FAF1: variants seen among roughly 807,000 people sequenced by gnomAD.
The protein encoded by FAF1 is FAS-associated factor 1.
In FAF1, 25 loss-of-function variants were observed where a neutral mutation model predicts 92.5. That is an observed-to-expected ratio of 0.27 (90% confidence interval 0.20 to 0.38). The LOEUF (loss-of-function observed/expected upper bound fraction) is 0.38, where lower values mean the gene tolerates loss of function less well. Among genes scored for constraint, FAF1 ranks in the 10% least tolerant of loss-of-function variants. The probability of loss-of-function intolerance (pLI) is 1.00; values close to 1 mark genes in which losing one functional copy is unlikely to be tolerated. For synonymous variants in FAF1, 234 were observed against 273.2 expected (o/e 0.86, Z 1.42); for missense variants, 636 against 793.3 (o/e 0.80, Z 2.38).
At chr1:50,834,635 C>A (rs1644184290) in intron 2 of FAF1, among the ~76,000 whole-genome samples, 1 of 152,098 alleles carries the variant, frequency 6.6e-6, no homozygotes, top group South Asian at 2.1e-4. Flanking sequence ...TCAGGATGAA[C>A]AAAGCAAATA....
intron 18 of FAF1, among the ~76,000 whole-genome samples, chr1:50,456,359 T>C (rs930051930): frequency 2.6e-5 from 4 of 152,140 alleles, no homozygotes; most frequent in Admixed American, 1.3e-4. Context: ...TTCTGGTGCT[T>C]GAGTTCTAGA....
intron 4 of FAF1, among the ~76,000 whole-genome samples, chr1:50,773,404 T>C (rs181468365): frequency 1.3e-5 from 2 of 152,318 alleles, no homozygotes; most frequent in East Asian, 3.9e-4. Flanking sequence ...TTATTCACGA[T>C]AGCCAAGAGA....
chr1:50,739,377 T>TGTGTACATGTGTACACGTAC (rs1659289059), intron 5 of FAF1, among the ~76,000 whole-genome samples: 1 of 149,826 alleles, frequency 6.7e-6, no homozygotes, highest in African/African-American at 2.5e-5. Flanking sequence ...CGTACATACA[T>TGTGTACATGTGTACACGTAC]ATACATATAT....
In FAF1 at chr1:50,567,182, T is replaced by C. The variant is rs1299346219; in HGVS notation, c.1163A>G (p.Asn388Ser). The C allele has an allele frequency of 2.5e-6, 4 of 1,610,944 alleles. No homozygotes were observed. The highest frequency in any genetic ancestry group is 1.7e-5 in the Admixed American group (1 of 59,898). ...ACAAAGCATTTGTGAGCAGAACACG[T>C]TGGTTAACACACTTTCATCATGGTG... The part of the protein sequence containing the change: ...YLHHDESVLT[N>S]VFCSQMLCAE... Residue 388 changes from asparagine (N) to serine (S), a missense_variant, in exon 13 of 19, where the codon AAC (asparagine) becomes AGC (serine). Physicochemically the swap from Asn to Ser is conservative, Grantham distance 46. This residue lies in a region of FAF1 where 319 missense variants were observed against 451.0 expected (regional missense o/e 0.71). Transcript: ENST00000396153.
At chr1:50,702,406 G>T (rs945200155) in intron 7 of FAF1, among the ~76,000 whole-genome samples, 1 of 152,024 alleles carries the variant, frequency 6.6e-6, no homozygotes, top group Non-Finnish European at 1.5e-5. Context: ...TTTAAAGTGT[G>T]ACAAATAGTT....
intron 13 of FAF1, among the ~76,000 whole-genome samples, chr1:50,562,449 G>A (rs1226467692): frequency 6.6e-6 from 1 of 152,086 alleles, no homozygotes; most frequent in Non-Finnish European, 1.5e-5. Context: ...GTAATTATGA[G>A]GCTTTAAACA....
intron 2 of FAF1, among the ~76,000 whole-genome samples, chr1:50,822,162 C>T (rs1327442733): frequency 1.3e-5 from 2 of 150,690 alleles, no homozygotes; most frequent in Non-Finnish European, 3.0e-5. Flanking sequence ...AAAAAAGAAA[C>T]CAGAATGCAG....
chr1:50,610,350 T>C (rs1652632270), intron 8 of FAF1, among the ~76,000 whole-genome samples: 1 of 152,234 alleles, frequency 6.6e-6, no homozygotes, highest in African/African-American at 2.4e-5. Flanking sequence ...ACACATTACT[T>C]GAGATTTCAC....
At chr1:50,475,730 G>A (rs1248546514) in intron 17 of FAF1, 51 bp from the exon 18 acceptor site, 1 of 1,248,314 alleles carries the variant, frequency 8.0e-7, no homozygotes, top group Non-Finnish European at 1.1e-6. Flanking sequence ...CTGGACTATG[G>A]AGAGTGGGGA....
At chr1:50,622,923 T>A (rs2124181926) in intron 8 of FAF1, among the ~76,000 whole-genome samples, 2 of 152,296 alleles carry the variant, frequency 1.3e-5, no homozygotes, top group Middle Eastern at 6.8e-3. Flanking sequence ...ATTCTACCCT[T>A]ATTCCTCAAA....
Position 50,879,434 on chromosome 1 carries a change from A to T in FAF1, c.46-21437T>A, listed in dbSNP as rs1002765966. Among the ~76,000 whole-genome samples the T allele has an allele frequency of 3.3e-4, 50 of 152,174 alleles. 1 individual carries two copies. On this transcript the variant is annotated intron_variant, in intron 1 of 18. Coordinates refer to ENST00000396153, the MANE Select transcript of FAF1 (RefSeq NM_007051.3). The stretch of plus-strand genomic sequence containing the variant: ...AAATTCACAACCTAGTATATGTACA[A>T]ACAATTAGCTTTATGAACCAGAATG...
intron 8 of FAF1, among the ~76,000 whole-genome samples, chr1:50,609,080 T>C (rs1283793914): frequency 6.6e-6 from 1 of 152,230 alleles, no homozygotes; most frequent in East Asian, 1.9e-4. Flanking sequence ...ACTTAACTAA[T>C]AGTTACTGAA....
Position 50,761,973 on chromosome 1 carries a change from T to G in FAF1, c.368-17198A>C, listed in dbSNP as rs1208298480. On this transcript the variant is annotated intron_variant, in intron 4 of 18. Coordinates refer to ENST00000396153, the MANE Select transcript of FAF1 (RefSeq NM_007051.3). The stretch of plus-strand genomic sequence containing the variant: ...TCAGCCCAAAATCTCCTTAAGCTGA[T>G]AAGCAACTTCAGCAAAGTCTCAGGA... Among the ~76,000 whole-genome samples the G allele has an allele frequency of 3.3e-5, 5 of 152,240 alleles. No homozygotes were observed. In the East Asian group the frequency reaches 9.6e-4, roughly 29 times the overall value.
At chr1:50,605,308 C>A (rs953812747) in intron 8 of FAF1, among the ~76,000 whole-genome samples, 6 of 152,116 alleles carry the variant, frequency 3.9e-5, no homozygotes, top group African/African-American at 1.4e-4. Context: ...AGTGAGTACA[C>A]TAGAAGAGGT....
At chr1:50,463,643 A>G (rs1646459901) in intron 18 of FAF1, among the ~76,000 whole-genome samples, 1 of 152,230 alleles carries the variant, frequency 6.6e-6, no homozygotes, top group Non-Finnish European at 1.5e-5. Context: ...TGAAAATTAA[A>G]TGACAGAATA....
chr1:50,883,668 T>TA (rs1297194270), intron 1 of FAF1, among the ~76,000 whole-genome samples: 1 of 152,120 alleles, frequency 6.6e-6, no homozygotes, highest in Non-Finnish European at 1.5e-5. Flanking sequence ...TAAAAGAGAC[T>TA]AAAGATACAA....
intron 8 of FAF1, among the ~76,000 whole-genome samples, chr1:50,635,963 G>C (rs1020005898): frequency 6.6e-6 from 1 of 152,140 alleles, no homozygotes; most frequent in Admixed American, 6.5e-5. Context: ...TGCAATTATA[G>C]GATAAATTGG....
chr1:50,729,091 T>A (rs1658809899), intron 6 of FAF1, among the ~76,000 whole-genome samples: 1 of 145,382 alleles, frequency 6.9e-6, no homozygotes, highest in African/African-American at 2.5e-5. Context: ...GTTTCGCTAT[T>A]GTTGCCCAGG....
chr1:50,730,397 C>T (rs962891336), intron 6 of FAF1, among the ~76,000 whole-genome samples: 3 of 151,326 alleles, frequency 2.0e-5, no homozygotes, highest in Non-Finnish European at 2.9e-5. Flanking sequence ...TTTATGCTTA[C>T]TCTCATTTTT....
Sources: gnomAD v4.1 joint callset for allele counts (sites outside exome capture counted in the v4.1 genomes callset) on GRCh38, gnomAD v4.1.1 for gene constraint, gnomAD v4.1.1 regional missense constraint, MANE v1.5 for transcripts, NCBI Gene and HGNC (gene_info 2026-07-23, HGNC 2026-07-21) for gene names.